Variants in FAHD2B observed in about 807,000 individuals in gnomAD.
The protein encoded by FAHD2B is fumarylacetoacetate hydrolase domain containing 2B.
Under a neutral mutation model 33.7 loss-of-function variants are expected in FAHD2B, and 26 were observed. That is an observed-to-expected ratio of 0.77 (90% CI 0.57 to 1.07). The LOEUF (loss-of-function observed/expected upper bound fraction) is 1.07. FAHD2B is among the 50% of genes least tolerant of loss of function. The probability of loss-of-function intolerance (pLI) is 0.00; values close to 1 mark genes in which losing one functional copy is unlikely to be tolerated. For missense variants in FAHD2B, 272 were observed against 388.1 expected (o/e 0.70, Z 2.51); for synonymous variants, 108 against 150.9 (o/e 0.72, Z 2.08).
intron 1 of FAHD2B, among the ~76,000 whole-genome samples, chr2:97,092,965 C>CAAAAAAAAAAAAAAAAAAAAAAAA (rs748844060): frequency 1.6e-5 from 1 of 64,218 alleles, no homozygotes; most frequent in Non-Finnish European, 3.1e-5. Context: ...AGAGCGACTC[C>CAAAAAAAAAAAAAAAAAAAAAAAA]AAAAAAAAAA....
At chr2:97,078,799 G>A (rs563115049), downstream of FAHD2B, among the ~76,000 whole-genome samples, 12 of 152,100 alleles carry the variant, frequency 7.9e-5, no homozygotes, top group South Asian at 1.9e-3. Flanking sequence ...TGCAGGATGT[G>A]CAGGTTTGTT....
In FAHD2B at chr2:97,086,165, T is replaced by C. The variant is rs2031972772; in HGVS notation, c.496A>G (p.Ile166Val). The C allele has an allele frequency of 3.7e-6, 6 of 1,613,046 alleles. No individual in the cohort carries two copies. Among genetic ancestry groups the C allele is most frequent in the Non-Finnish European group, 5.1e-6 (6 of 1,179,716 alleles). The change falls in exon 5 of 9, where the codon ATT (isoleucine) becomes GTT (valine). Residue 166 changes from isoleucine to valine, a missense_variant. By Grantham distance (29) the Ile-to-Val change is conservative (BLOSUM62 3). Transcript: ENST00000414820. ...TTGATGTGCTTGCCTTTCTTTCCAA[T>C]GACCACGGCCAGCTCCACTTCCCAA... ...VDWEVELAVV[I>V]GKKGKHIKAT...
chr2:97,087,256 T>TTAG (rs1359115405), intron 4 of FAHD2B, among the ~76,000 whole-genome samples: 1 of 152,026 alleles, frequency 6.6e-6, no homozygotes, highest in Non-Finnish European at 1.5e-5. Flanking sequence ...TTTCACTGTG[T>TTAG]TAGCCAGGAT....
chr2:97,094,125 A>T (rs4063380), intron 1 of FAHD2B, among the ~76,000 whole-genome samples: 19 of 152,244 alleles, frequency 1.2e-4, no homozygotes, highest in South Asian at 4.2e-4. Context: ...GAGGCCCTGC[A>T]AACAGCCATG....
chr2:97,090,203 TTC>T lies in FAHD2B; in HGVS notation c.366_367del (p.Asn123ArgfsTer22), dbSNP rs2032249249. On this transcript the variant is annotated frameshift_variant, in exon 4 of 9. Coordinates refer to ENST00000414820, the MANE Select transcript of FAHD2B (RefSeq NM_001320848.2). LOFTEE classifies it high-confidence loss of function. ...GATGGGCTCCTTGGGCACGGGCACG[TTC>T]TGTTCTTTGCAGTGGTCCACATAAT... 1.2e-6 allele frequency: 2 copies of T among 1,610,920 alleles called. No individual in the cohort carries two copies. Among genetic ancestry groups the T allele is most frequent in the East Asian group, 4.5e-5 (2 of 44,842 alleles).
At chr2:97,088,561 TA>T (rs1332822509) in intron 4 of FAHD2B, among the ~76,000 whole-genome samples, 3 of 152,166 alleles carry the variant, frequency 2.0e-5, no homozygotes, top group African/African-American at 7.2e-5. Flanking sequence ...TAAGTCCAAT[TA>T]AACCTTTTTC....
At chr2:97,083,323 A>G, downstream of FAHD2B, 1 of 1,553,504 alleles carries the variant, frequency 6.4e-7, no homozygotes, top group Non-Finnish European at 8.7e-7. Flanking sequence ...TCCTAGAGCC[A>G]GAAGATGGAG....
At chr2:97,093,635 C>T (rs1242234101) in intron 1 of FAHD2B, among the ~76,000 whole-genome samples, 7 of 151,914 alleles carry the variant, frequency 4.6e-5, no homozygotes, top group East Asian at 1.9e-4. Context: ...CCGCCACGCC[C>T]GGCTAATTTT....
Position 97,086,307 on chromosome 2 carries a change from A to C in FAHD2B, c.463-109T>G, listed in dbSNP as rs868428263. 1.0e-3 allele frequency: 1,520 copies of C among 1,472,856 alleles called. 8 individuals carry two copies. The African/African-American group carries it at 0.019, about 19-fold the overall frequency. The allele number at this position is 1,472,856 out of a possible 1,614,324, so 91.2% of individuals were successfully genotyped here. On this transcript the variant is annotated intron_variant, in intron 4 of 8. Coordinates refer to ENST00000414820, the MANE Select transcript of FAHD2B (RefSeq NM_001320848.2). Reference sequence around the variant, plus strand: ...GTCAGTATGGCTTGGCTGCCATCCCACGTTTGCCATCACCCTGAACCAGAG... The same window carrying C: ...GTCAGTATGGCTTGGCTGCCATCCCCCGTTTGCCATCACCCTGAACCAGAG...
At chr2:97,088,233 T>G (rs1463414335) in intron 4 of FAHD2B, among the ~76,000 whole-genome samples, 2 of 152,102 alleles carry the variant, frequency 1.3e-5, no homozygotes, top group African/African-American at 4.8e-5. Context: ...ACAGACCATA[T>G]GACACTCAAA....
At chr2:97,079,996 T>C (rs1335687441), downstream of FAHD2B, among the ~76,000 whole-genome samples, 1 of 152,150 alleles carries the variant, frequency 6.6e-6, no homozygotes, top group Non-Finnish European at 1.5e-5. Context: ...TATTAGACCT[T>C]TGTTAGATGC....
chr2:97,094,299 A>G (rs1225008814), intron 1 of FAHD2B, among the ~76,000 whole-genome samples: 2 of 150,718 alleles, frequency 1.3e-5, no homozygotes, highest in African/African-American at 4.9e-5. Flanking sequence ...AAGCGCCCTC[A>G]CTTTACAGAA....
intron 4 of FAHD2B, chr2:97,089,825 A>C: frequency 2.0e-6 from 1 of 509,558 alleles, no homozygotes; most frequent in South Asian, 2.2e-5. Flanking sequence ...AGACAGAAAA[A>C]CATTAATATT....
rs763807340 is a variant in FAHD2B, at chr2:97,083,751, G to T, written c.*4C>A. The stretch of plus-strand genomic sequence containing the variant: ...CATCCTATGTCGGGCCTGTGCAGGA[G>T]CCATCACACCACCTTGTTGATGATG... On this transcript the variant is annotated 3_prime_UTR_variant, in exon 9 of 9. Transcript: ENST00000414820. 33 of 1,614,006 alleles carry T rather than the reference G, an allele frequency of 2.0e-5. No individual in the cohort carries two copies. The highest frequency in any genetic ancestry group is 2.8e-5 in the Non-Finnish European group (33 of 1,180,060).
chr2:97,080,386 C>T (rs2031600888), downstream of FAHD2B, among the ~76,000 whole-genome samples: 1 of 152,026 alleles, frequency 6.6e-6, no homozygotes, highest in South Asian at 2.1e-4. Flanking sequence ...TGTCAAATAT[C>T]GGATTGCTGT....
At chr2:97,081,369 G>A (rs1465251645), downstream of FAHD2B, 11 of 1,563,996 alleles carry the variant, frequency 7.0e-6, no homozygotes, top group East Asian at 4.6e-5. Flanking sequence ...GGCCTTGCCC[G>A]GTCTTTGGCT....
At chr2:97,080,451 T>C (rs2031603238), downstream of FAHD2B, among the ~76,000 whole-genome samples, 1 of 152,088 alleles carries the variant, frequency 6.6e-6, no homozygotes, top group South Asian at 2.1e-4. Flanking sequence ...TCTATGTGTC[T>C]TTTCTTGCAC....
At position 97,091,654 on chromosome 2, in the gene FAHD2B, T is replaced by A; in HGVS notation, c.53A>T (p.Lys18Met). 6 of 1,613,778 alleles carry A rather than the reference T, an allele frequency of 3.7e-6. No individual in the cohort carries two copies. The highest frequency in any genetic ancestry group is 5.1e-6 in the Non-Finnish European group (6 of 1,179,890). ...RLLTALLQAQ[K>M]WPFQPSRDMR... ...GTCTCTGGAGGGTTGAAAGGGCCACTTCTGAGCCTGCAGCAGAGCTGTGAG... is the reference window on the plus strand; with the variant it reads ...GTCTCTGGAGGGTTGAAAGGGCCACATCTGAGCCTGCAGCAGAGCTGTGAG... The change falls in exon 3 of 9, where the codon AAG becomes ATG. Residue 18 changes from lysine (K) to methionine (M), a missense_variant. Transcript: ENST00000414820.
At chr2:97,088,710 C>T (rs1250886343) in intron 4 of FAHD2B, among the ~76,000 whole-genome samples, 7 of 151,974 alleles carry the variant, frequency 4.6e-5, no homozygotes, top group Non-Finnish European at 1.0e-4. Flanking sequence ...ACAGTGTGTG[C>T]CCTTGGTTGA....
Sources: allele counts gnomAD v4.1 joint callset (sites outside exome capture counted in the v4.1 genomes callset), GRCh38; gene constraint gnomAD v4.1.1; transcripts MANE v1.5; gene names NCBI Gene and HGNC (gene_info 2026-07-23, HGNC 2026-07-21).